The following EPSTI1 variants were observed in gnomAD, a reference collection of about 807,000 sequenced individuals.
EPSTI1 encodes epithelial stromal interaction 1.
In EPSTI1, 66 loss-of-function variants were observed where a neutral mutation model predicts 49.9. That is an observed-to-expected ratio of 1.32 (90% CI 1.08 to 1.62). EPSTI1 has a LOEUF of 1.62. Ranked by LOEUF, EPSTI1 falls within the 40% of genes most tolerant of loss-of-function variation. EPSTI1 has a pLI of 0.00. For synonymous variants in EPSTI1, 137 were observed against 130.7 expected, an observed-to-expected ratio of 1.05 and a Z score of -0.33; for missense variants, 394 against 365.5, an observed-to-expected ratio of 1.08 and a Z score of -0.64.
chr13:42,908,427 A>C (rs1054264569), intron 8 of EPSTI1, among the ~76,000 whole-genome samples: 1 of 148,170 alleles, frequency 6.7e-6, no homozygotes, highest in Non-Finnish European at 1.5e-5. Context: ...CAGAGGCCGC[A>C]GTGAGCCGAG....
intron 1 of EPSTI1, among the ~76,000 whole-genome samples, chr13:42,981,705 G>A (rs1384273768): frequency 6.6e-6 from 1 of 152,176 alleles, no homozygotes; most frequent in East Asian, 1.9e-4. Context: ...CTTCTGCCAT[G>A]CATAGAACTG....
chr13:42,992,082 A>T lies in EPSTI1; in HGVS notation c.84T>A (p.Ser28=). The T allele has an allele frequency of 1.2e-6, 2 of 1,613,236 alleles. No homozygotes were observed. The highest frequency in any genetic ancestry group is 1.7e-6 in the Non-Finnish European group (2 of 1,179,992). Residue 28 remains serine (S), a synonymous_variant, in exon 1 of 11, where the codon TCT becomes TCA. Coordinates refer to ENST00000313624, the MANE Select transcript of EPSTI1 (RefSeq NM_033255.5). ...CGGGGCTCAGCTCCCCTTGCCGCCC[A>T]GAAGGGTCCTGGGGATCCCGGGTCG... The part of the protein sequence containing the change: ...SRPTRDPQDP[S]GRQGELSPVE...
chr13:42,901,837 A>G (rs9594830), intron 8 of EPSTI1, among the ~76,000 whole-genome samples: 95,343 of 150,264 alleles, frequency 0.63, 31,645 homozygotes, highest in Non-Finnish European at 0.75. Flanking sequence ...ACATATGTAT[A>G]CATGTGCCAT....
chr13:42,900,542 C>A (rs937580232), intron 8 of EPSTI1, among the ~76,000 whole-genome samples, 159 bp from the exon 9 acceptor site: 4 of 151,670 alleles, frequency 2.6e-5, no homozygotes, highest in Non-Finnish European at 5.9e-5. Flanking sequence ...TTCTTATATA[C>A]GTAGGTAGCA....
chr13:42,952,282 G>A (rs2039122637), intron 6 of EPSTI1, among the ~76,000 whole-genome samples: 1 of 152,192 alleles, frequency 6.6e-6, no homozygotes, highest in African/African-American at 2.4e-5. Context: ...AAATCTTGCT[G>A]CTGCTCACTC....
intron 6 of EPSTI1, among the ~76,000 whole-genome samples, chr13:42,939,654 C>T (rs575807313): frequency 6.6e-5 from 10 of 152,022 alleles, no homozygotes; most frequent in Admixed American, 6.6e-4. Flanking sequence ...AAAACAATTA[C>T]AATAGTAACA....
chr13:42,904,861 C>T (rs191759165), intron 8 of EPSTI1, among the ~76,000 whole-genome samples: 40 of 152,188 alleles, frequency 2.6e-4, no homozygotes, highest in African/African-American at 8.9e-4. Context: ...GTATCCAAAA[C>T]ATTTAATGAA....
intron 10 of EPSTI1, among the ~76,000 whole-genome samples, chr13:42,893,802 T>C (rs1255966440): frequency 1.3e-5 from 2 of 152,214 alleles, no homozygotes; most frequent in African/African-American, 4.8e-5. Context: ...TAAATTCCAA[T>C]TGTGTTTCAC....
chr13:42,970,945 G>T (rs183062851), intron 1 of EPSTI1, among the ~76,000 whole-genome samples: 1 of 152,154 alleles, frequency 6.6e-6, no homozygotes, highest in Non-Finnish European at 1.5e-5. Flanking sequence ...GGGCTCCACC[G>T]TTCCTCTAGG....
At chr13:42,989,567 C>CTTTTTTTTTTTTT in intron 1 of EPSTI1, among the ~76,000 whole-genome samples, 17 of 79,018 alleles carry the variant, frequency 2.2e-4, no homozygotes, top group East Asian at 3.6e-4. Context: ...CCTCTTTTTT[C>CTTTTTTTTTTTTT]TTTTTTTTTT....
intron 3 of EPSTI1, among the ~76,000 whole-genome samples, chr13:42,968,655 T>C (rs1380600169): frequency 7.2e-5 from 11 of 151,990 alleles, no homozygotes; most frequent in Non-Finnish European, 1.5e-4. Flanking sequence ...GGTTTCCAGC[T>C]CACTCTCATC....
At chr13:42,978,375 G>C (rs1313900042) in intron 1 of EPSTI1, among the ~76,000 whole-genome samples, 1 of 152,126 alleles carries the variant, frequency 6.6e-6, no homozygotes, top group South Asian at 2.1e-4. Flanking sequence ...TAGCGGGGAG[G>C]GGGCTTCCAG....
intron 8 of EPSTI1, among the ~76,000 whole-genome samples, chr13:42,903,884 G>A (rs1164530678): frequency 6.6e-6 from 1 of 152,140 alleles, no homozygotes; most frequent in African/African-American, 2.4e-5. Flanking sequence ...AAATTTAGCT[G>A]CATGAAAATT....
intron 6 of EPSTI1, among the ~76,000 whole-genome samples, chr13:42,952,029 T>C (rs2039113863): frequency 6.6e-6 from 1 of 152,178 alleles, no homozygotes; most frequent in East Asian, 1.9e-4. Flanking sequence ...GTTTGTAAAA[T>C]GCACCAATCA....
At chr13:42,968,929 C>T (rs1278522434) in intron 3 of EPSTI1, among the ~76,000 whole-genome samples, 165 bp downstream of exon 3, 27 of 115,630 alleles carry the variant, frequency 2.3e-4, no homozygotes, top group Non-Finnish European at 4.5e-4. Flanking sequence ...AATACACACA[C>T]ACACACACAC....
chr13:42,904,907 TG>T (rs1043919241), intron 8 of EPSTI1, among the ~76,000 whole-genome samples: 1 of 152,220 alleles, frequency 6.6e-6, no homozygotes, highest in Admixed American at 6.5e-5. Flanking sequence ...TAATTAACAC[TG>T]GGTAGCGGCG....
chr13:42,933,112 T>C (rs2038433166), intron 6 of EPSTI1, among the ~76,000 whole-genome samples: 1 of 152,140 alleles, frequency 6.6e-6, no homozygotes. Context: ...AAAGGAGCAC[T>C]GGAGGGAAAC....
chr13:42,938,922 A>AAAAAAAAAAAAG (rs2038657749), intron 6 of EPSTI1, among the ~76,000 whole-genome samples: 1 of 150,278 alleles, frequency 6.7e-6, no homozygotes, highest in African/African-American at 2.4e-5. Context: ...CTCAAAAAAA[A>AAAAAAAAAAAAG]AAAAAAAAAA....
At chr13:42,942,403 G>A (rs1439579639) in intron 6 of EPSTI1, among the ~76,000 whole-genome samples, 2 of 151,786 alleles carry the variant, frequency 1.3e-5, no homozygotes, top group African/African-American at 4.8e-5. Context: ...AGAAATTGAC[G>A]ATCAAATTTT....
Sources: allele counts gnomAD v4.1 joint callset (sites outside exome capture counted in the v4.1 genomes callset), GRCh38; gene constraint gnomAD v4.1.1; transcripts MANE v1.5; gene names NCBI Gene and HGNC (gene_info 2026-07-23, HGNC 2026-07-21).